RPS6KC1: variants seen among roughly 807,000 people sequenced by gnomAD.
RPS6KC1 encodes ribosomal protein S6 kinase C1.
Under a neutral mutation model 103.8 loss-of-function variants are expected in RPS6KC1, and 54 were observed. The ratio of observed to expected loss-of-function variants is 0.52; its 90% CI spans 0.42 to 0.65. The LOEUF (loss-of-function observed/expected upper bound fraction) is 0.65. Among genes scored for constraint, RPS6KC1 ranks in the 30% least tolerant of loss-of-function variants. RPS6KC1 has a pLI of 0.00. For synonymous variants in RPS6KC1, 439 were observed against 438.7 expected (o/e 1.00, Z -0.01); for missense variants, 1,151 against 1,253.8 (o/e 0.92, Z 1.24).
At chr1:213,677,984 C>T in the RPS6KC1 span, among the ~76,000 whole-genome samples, 24 of 149,290 alleles carry the variant, frequency 1.6e-4, no homozygotes, top group South Asian at 2.1e-4. Context: ...CCAGCCGGGG[C>T]GACACAGCAG....
chr1:213,270,759 A>G (rs545771873), intron 14 of RPS6KC1, among the ~76,000 whole-genome samples: 3 of 152,348 alleles, frequency 2.0e-5, no homozygotes, highest in East Asian at 3.9e-4. Flanking sequence ...AAGACAGACA[A>G]TTCAGTTTTA....
At chr1:213,570,846 A>G in the RPS6KC1 span, among the ~76,000 whole-genome samples, 1 of 152,346 alleles carries the variant, frequency 6.6e-6, no homozygotes, top group African/African-American at 2.4e-5. Context: ...CCGTGAAACC[A>G]GCCTAACCAG....
chr1:213,494,307 T>C, the RPS6KC1 span, among the ~76,000 whole-genome samples: 1 of 152,104 alleles, frequency 6.6e-6, no homozygotes, highest in South Asian at 2.1e-4. Flanking sequence ...AGAAAATGCA[T>C]ACTGCTAAGA....
At chr1:213,758,064 A>G in the RPS6KC1 span, among the ~76,000 whole-genome samples, 1 of 152,218 alleles carries the variant, frequency 6.6e-6, no homozygotes, top group Admixed American at 6.5e-5. Context: ...AAGAACTCTG[A>G]TGGAGATGTA....
At chr1:213,407,251 G>A in the RPS6KC1 span, among the ~76,000 whole-genome samples, 1 of 150,540 alleles carries the variant, frequency 6.6e-6, no homozygotes, top group Admixed American at 6.6e-5. Flanking sequence ...CACACACGCA[G>A]AGAGAGAGAG....
the RPS6KC1 span, among the ~76,000 whole-genome samples, chr1:213,791,272 A>T: frequency 6.6e-6 from 1 of 152,150 alleles, no homozygotes; most frequent in Non-Finnish European, 1.5e-5. Context: ...CTCTTATAGA[A>T]TTTTTTTAAA....
chr1:213,799,372 T>G, the RPS6KC1 span, among the ~76,000 whole-genome samples: 3 of 152,298 alleles, frequency 2.0e-5, no homozygotes, highest in Admixed American at 6.5e-5. Flanking sequence ...TGTGGCCTTT[T>G]TGTAAGCAGC....
At chr1:213,205,327 A>AT (rs1316839669) in intron 8 of RPS6KC1, 10 of 984,986 alleles carry the variant, frequency 1.0e-5, no homozygotes, top group Non-Finnish European at 1.2e-5. Context: ...CTAGATAAAG[A>AT]TAAGTCATGC....
the RPS6KC1 span, among the ~76,000 whole-genome samples, chr1:213,589,950 T>G: frequency 2.1e-5 from 3 of 144,492 alleles, no homozygotes; most frequent in African/African-American, 8.5e-5. Context: ...TGTGTGTGTG[T>G]GTGTGTGTGT....
chr1:213,156,006 G>T (rs1326986894), intron 6 of RPS6KC1, among the ~76,000 whole-genome samples: 1 of 152,172 alleles, frequency 6.6e-6, no homozygotes, highest in African/African-American at 2.4e-5. Flanking sequence ...TACCATTCAT[G>T]CATAGAAGCA....
chr1:213,365,361 G>A, the RPS6KC1 span, among the ~76,000 whole-genome samples: 19 of 152,312 alleles, frequency 1.2e-4, no homozygotes, highest in South Asian at 3.5e-3. Flanking sequence ...TGAAAGGTAT[G>A]ACAAGCTGTT....
Position 213,216,380 on chromosome 1 carries a change from C to T in RPS6KC1, c.1045-14117C>T, listed in dbSNP as rs569116278. Among the ~76,000 whole-genome samples the T allele has an allele frequency of 3.7e-3, 562 of 152,090 alleles. 5 individuals carry two copies. Among genetic ancestry groups the T allele is most frequent in the African/African-American group, 0.013 (531 of 41,496 alleles). On this transcript the variant is annotated intron_variant, in intron 8 of 14. Coordinates refer to ENST00000366960, the MANE Select transcript of RPS6KC1 (RefSeq NM_012424.6). ...ACCCAGATTCATAAAGCAAGTCCTTCGAGACCTACAAAGAGACTTAGACTC... is the reference window on the plus strand; with the variant it reads ...ACCCAGATTCATAAAGCAAGTCCTTTGAGACCTACAAAGAGACTTAGACTC...
the RPS6KC1 span, among the ~76,000 whole-genome samples, chr1:213,363,646 C>A: frequency 1.5e-4 from 10 of 68,108 alleles, no homozygotes; most frequent in Admixed American, 9.8e-4. Context: ...TTCTTTCTTT[C>A]TTTCTTTCTT....
At chr1:213,400,001 C>A in the RPS6KC1 span, among the ~76,000 whole-genome samples, 1 of 152,088 alleles carries the variant, frequency 6.6e-6, no homozygotes. Context: ...CAGGCATGGC[C>A]GAGGAGGGCT....
the RPS6KC1 span, among the ~76,000 whole-genome samples, chr1:213,605,375 CACTG>C: frequency 6.6e-6 from 1 of 152,242 alleles, no homozygotes; most frequent in South Asian, 2.1e-4. Context: ...CAGGACACTG[CACTG>C]ACTTTCACAC....
At chr1:213,346,986 T>C in the RPS6KC1 span, among the ~76,000 whole-genome samples, 8 of 152,130 alleles carry the variant, frequency 5.3e-5, no homozygotes, top group African/African-American at 1.9e-4. Context: ...TAACAATAAA[T>C]ACCAGAAAAC....
At chr1:213,678,491 G>C in the RPS6KC1 span, among the ~76,000 whole-genome samples, 1 of 152,162 alleles carries the variant, frequency 6.6e-6, no homozygotes, top group African/African-American at 2.4e-5. Flanking sequence ...GAACTGTTGT[G>C]AATTAGCCCA....
chr1:213,051,550 AC>A, intron 1 of RPS6KC1, 41 bp downstream of exon 1: 1 of 1,446,312 alleles, frequency 6.9e-7, no homozygotes, highest in Non-Finnish European at 9.6e-7. Context: ...TTGGATTGGG[AC>A]CTGAGGATCT....
chr1:213,288,380 T>C, the RPS6KC1 span, among the ~76,000 whole-genome samples: 5 of 152,242 alleles, frequency 3.3e-5, no homozygotes, highest in Non-Finnish European at 7.3e-5. Context: ...CTAACTCACA[T>C]GGAGCACTTT....
Sources: gnomAD v4.1 joint callset for allele counts (sites outside exome capture counted in the v4.1 genomes callset) on GRCh38, gnomAD v4.1.1 for gene constraint, MANE v1.5 for transcripts, NCBI Gene and HGNC (gene_info 2026-07-23, HGNC 2026-07-21) for gene names.